SORCS1: variants seen among roughly 807,000 people sequenced by gnomAD.
The protein encoded by SORCS1 is sortilin related VPS10 domain containing receptor 1, also known as VPS10 domain-containing receptor SorCS1.
SORCS1 carries 60 observed loss-of-function variants against 146.1 expected under a neutral mutation model. That is an observed-to-expected ratio of 0.41 (90% confidence interval 0.33 to 0.51). SORCS1 has a LOEUF of 0.51. Ranked by LOEUF, SORCS1 falls within the 20% of genes least tolerant of loss-of-function variation. The pLI is 0.21. For missense variants in SORCS1, 1,352 were observed against 1,487.6 expected, an observed-to-expected ratio of 0.91 and a Z score of 1.50; for synonymous variants, 637 against 584.0, an observed-to-expected ratio of 1.09 and a Z score of -1.31.
intron 17 of SORCS1, among the ~76,000 whole-genome samples, chr10:106,653,187 T>C (rs552112948): frequency 2.6e-5 from 4 of 152,324 alleles, no homozygotes; most frequent in African/African-American, 9.6e-5. Context: ...GTTTTAGCTT[T>C]AACAGGGAAA....
At chr10:106,838,419 A>G (rs1374281811) in intron 2 of SORCS1, among the ~76,000 whole-genome samples, 1 of 152,226 alleles carries the variant, frequency 6.6e-6, no homozygotes, top group Non-Finnish European at 1.5e-5. Context: ...ACAATCAAAG[A>G]ACCTATAACG....
At position 106,579,477 on chromosome 10, in the gene SORCS1, T is replaced by G; in HGVS notation, c.3266-3A>C. 6.2e-7 allele frequency: 1 copy of G among 1,613,044 alleles called. No individual in the cohort carries two copies. On this transcript the variant is annotated splice_region_variant and splice_polypyrimidine_tract_variant and intron_variant, in intron 24 of 25. Coordinates refer to ENST00000263054, the MANE Select transcript of SORCS1 (RefSeq NM_052918.5). ...TGGAGTGAGGTCCACCAGGGGGGCT[T>G]GTGGGGGAAACAGAGCAGAGAAAAA...
intron 2 of SORCS1, among the ~76,000 whole-genome samples, chr10:106,911,151 C>T (rs1208954294): frequency 1.3e-5 from 2 of 152,212 alleles, no homozygotes; most frequent in African/African-American, 4.8e-5. Flanking sequence ...AACTGTAAAG[C>T]ATGGTGTTAA....
chr10:107,121,954 A>T (rs2134548142), intron 1 of SORCS1, among the ~76,000 whole-genome samples: 1 of 152,328 alleles, frequency 6.6e-6, no homozygotes, highest in South Asian at 2.1e-4. Flanking sequence ...GGGAAAAGGA[A>T]AAAAGGAGGC....
chr10:106,768,077 TGAACGTA>T (rs1368624388), intron 4 of SORCS1, among the ~76,000 whole-genome samples: 1 of 152,206 alleles, frequency 6.6e-6, no homozygotes, highest in Admixed American at 6.5e-5. Context: ...GTATCTAAGG[TGAACGTA>T]GTAGGCCTTC....
chr10:106,726,686 G>A (rs981627762), intron 6 of SORCS1, among the ~76,000 whole-genome samples: 3 of 152,210 alleles, frequency 2.0e-5, no homozygotes, highest in African/African-American at 7.2e-5. Context: ...GCAATCATGG[G>A]AAACAGACCC....
At chr10:107,108,752 A>G (rs1205224813) in intron 1 of SORCS1, among the ~76,000 whole-genome samples, 1 of 152,168 alleles carries the variant, frequency 6.6e-6, no homozygotes, top group Non-Finnish European at 1.5e-5. Context: ...TCAAAAGTCC[A>G]AAACCCAAAG....
chr10:107,034,680 CAAAAAA>C (rs553032484), intron 1 of SORCS1, among the ~76,000 whole-genome samples: 9 of 13,796 alleles, frequency 6.5e-4, no homozygotes, highest in Admixed American at 1.8e-3. Context: ...AACTCCATCT[CAAAAAA>C]AAAAAAAAAA....
In SORCS1 at chr10:106,701,351, G is replaced by T. The variant is rs150561848; in HGVS notation, c.1234-1958C>A. Among the ~76,000 whole-genome samples, 48 of 152,168 alleles carry T rather than the reference G, an allele frequency of 3.2e-4. 2 individuals carry two copies. The East Asian group carries it at 9.1e-3, about 29-fold the overall frequency. ...CAGCAGCACAAGAAATGAGCTTTTA[G>T]AACCGGCTTTCAGAATATTCCATTT... On this transcript the variant is annotated intron_variant, in intron 8 of 25. Transcript: ENST00000263054.
At chr10:107,103,247 C>T (rs1224939889) in intron 1 of SORCS1, among the ~76,000 whole-genome samples, 1 of 152,174 alleles carries the variant, frequency 6.6e-6, no homozygotes, top group Non-Finnish European at 1.5e-5. Context: ...CGTTACATTT[C>T]CCACAAAACA....
intron 2 of SORCS1, among the ~76,000 whole-genome samples, chr10:106,861,618 G>A (rs1279519518): frequency 3.3e-5 from 5 of 152,094 alleles, no homozygotes; most frequent in Non-Finnish European, 5.9e-5. Context: ...TTGGCCGGGC[G>A]CAGTCCCTCA....
upstream of SORCS1, among the ~76,000 whole-genome samples, chr10:107,169,194 C>T (rs1970109445): frequency 6.6e-6 from 1 of 152,112 alleles, no homozygotes. Flanking sequence ...TATGCCTCAT[C>T]GTTTGAACAA....
intron 6 of SORCS1, among the ~76,000 whole-genome samples, chr10:106,722,633 A>T (rs1855864332): frequency 6.6e-6 from 1 of 152,138 alleles, no homozygotes; most frequent in Admixed American, 6.6e-5. Context: ...TATTCATGAA[A>T]ATAAACACTG....
rs928856543 is a variant in SORCS1 at position 106,842,529 on chromosome 10, T to C, written c.627-12856A>G. On this transcript the variant is annotated intron_variant, in intron 2 of 25. Transcript: ENST00000263054. ...AATTACAGGCGTGAGCCATTGTGTCTGGCCTATTCTTTCATGAGATGTCTG... is the reference window on the plus strand; with the variant it reads ...AATTACAGGCGTGAGCCATTGTGTCCGGCCTATTCTTTCATGAGATGTCTG... Among the ~76,000 whole-genome samples the C allele has an allele frequency of 4.5e-4, 69 of 152,116 alleles. 1 individual carries two copies. Among genetic ancestry groups the C allele is most frequent in the African/African-American group, 1.6e-3 (66 of 41,426 alleles).
At chr10:107,135,478 G>A (rs924126542) in intron 1 of SORCS1, among the ~76,000 whole-genome samples, 6 of 152,256 alleles carry the variant, frequency 3.9e-5, no homozygotes, top group East Asian at 1.9e-4. Flanking sequence ...GTCACCAAAC[G>A]TAACTTTAAT....
At chr10:107,001,951 A>G (rs1273354560) in intron 1 of SORCS1, among the ~76,000 whole-genome samples, 4 of 152,216 alleles carry the variant, frequency 2.6e-5, no homozygotes, top group Non-Finnish European at 4.4e-5. Flanking sequence ...TTCTTTCTTC[A>G]TATATTTTCC....
At chr10:106,912,570 T>C (rs1465038929) in intron 2 of SORCS1, among the ~76,000 whole-genome samples, 1 of 152,226 alleles carries the variant, frequency 6.6e-6, no homozygotes, top group Non-Finnish European at 1.5e-5. Flanking sequence ...TGTATAATCC[T>C]TCTGGGGTTT....
chr10:106,955,183 C>T (rs1462954829), intron 2 of SORCS1, among the ~76,000 whole-genome samples: 1 of 152,252 alleles, frequency 6.6e-6, no homozygotes, highest in Non-Finnish European at 1.5e-5. Flanking sequence ...TAGACCTCGG[C>T]TCCCCAAGCC....
At chr10:107,142,013 T>C (rs1369978017) in intron 1 of SORCS1, among the ~76,000 whole-genome samples, 2 of 152,142 alleles carry the variant, frequency 1.3e-5, no homozygotes, top group South Asian at 2.1e-4. Context: ...AGTGGGAAGA[T>C]AAAGTGGAGG....
Sources: allele counts gnomAD v4.1 joint callset (sites outside exome capture counted in the v4.1 genomes callset), GRCh38; gene constraint gnomAD v4.1.1; transcripts MANE v1.5; gene names NCBI Gene and HGNC (gene_info 2026-07-23, HGNC 2026-07-21).